The following RERG variants were observed in gnomAD, a reference collection of about 807,000 sequenced individuals.
RERG encodes the protein RAS like estrogen regulated growth inhibitor.
RERG carries 25 observed loss-of-function variants against 23.2 expected under a neutral mutation model. That is an observed-to-expected ratio of 1.08 (90% confidence interval 0.79 to 1.50). The LOEUF (loss-of-function observed/expected upper bound fraction) is 1.50, where lower values mean the gene tolerates loss of function less well. Among genes scored for constraint, RERG ranks in the 40% most tolerant of loss-of-function variants. RERG has a pLI of 0.00. For missense variants in RERG, 253 were observed against 250.1 expected (o/e 1.01, Z -0.08); for synonymous variants, 81 against 89.1 (o/e 0.91, Z 0.51).
chr12:15,138,525 T>C (rs1438382672), intron 2 of RERG, among the ~76,000 whole-genome samples: 1 of 152,080 alleles, frequency 6.6e-6, no homozygotes, highest in Non-Finnish European at 1.5e-5. Flanking sequence ...TTTATAGACA[T>C]TTTAATATCT....
intron 2 of RERG, among the ~76,000 whole-genome samples, chr12:15,159,217 A>G (rs1419007604): frequency 6.6e-6 from 1 of 152,128 alleles, no homozygotes; most frequent in African/African-American, 2.4e-5. Flanking sequence ...TCCATTACTG[A>G]CATTACTTTG....
At chr12:15,151,871 C>G (rs1240279922) in intron 2 of RERG, 1 of 152,190 alleles carries the variant, frequency 6.6e-6, no homozygotes, top group Non-Finnish European at 1.5e-5. Context: ...GCTACCCTTA[C>G]TGTTATGACT....
intron 2 of RERG, among the ~76,000 whole-genome samples, chr12:15,136,516 C>G (rs1002835605): frequency 6.6e-6 from 1 of 151,850 alleles, no homozygotes. Flanking sequence ...TCTTTATTCC[C>G]TTTTAATACA....
At chr12:15,159,183 C>A (rs1565523445) in intron 2 of RERG, among the ~76,000 whole-genome samples, 3 of 152,080 alleles carry the variant, frequency 2.0e-5, no homozygotes, top group Non-Finnish European at 4.4e-5. Flanking sequence ...ACCATGTATT[C>A]TTTTTTTGTT....
intron 3 of RERG, among the ~76,000 whole-genome samples, chr12:15,111,677 T>C (rs1326378680): frequency 2.1e-5 from 3 of 142,442 alleles, no homozygotes; most frequent in African/African-American, 5.3e-5. Flanking sequence ...TTTGCTACCC[T>C]ATACTTTCCT....
chr12:15,159,059 G>A (rs1039054877), intron 2 of RERG, among the ~76,000 whole-genome samples: 1 of 152,148 alleles, frequency 6.6e-6, no homozygotes, highest in Admixed American at 6.5e-5. Context: ...CCGAATGATA[G>A]TTTTCTAACT....
intron 2 of RERG, among the ~76,000 whole-genome samples, chr12:15,189,657 C>T (rs1865041426): frequency 6.6e-6 from 1 of 152,084 alleles, no homozygotes; most frequent in South Asian, 2.1e-4. Flanking sequence ...ATTCCCATAG[C>T]CTTAAACAGT....
At chr12:15,180,501 C>T (rs978854478) in intron 2 of RERG, among the ~76,000 whole-genome samples, 1 of 152,168 alleles carries the variant, frequency 6.6e-6, no homozygotes, top group Non-Finnish European at 1.5e-5. Flanking sequence ...CACAGCCAAG[C>T]TTCCAGCAAG....
At chr12:15,198,761 T>C (rs576208122) in intron 2 of RERG, among the ~76,000 whole-genome samples, 1 of 152,284 alleles carries the variant, frequency 6.6e-6, no homozygotes, top group East Asian at 1.9e-4. Flanking sequence ...TAATTATCCC[T>C]TTCCCCTATC....
intron 2 of RERG, among the ~76,000 whole-genome samples, chr12:15,167,669 G>A (rs373238177): frequency 4.3e-4 from 66 of 152,248 alleles, no homozygotes; most frequent in African/African-American, 1.6e-3. Context: ...CTTTAAAAAA[G>A]ATAGTAGTAG....
At chr12:15,178,549 T>G (rs1216728162) in intron 2 of RERG, among the ~76,000 whole-genome samples, 1 of 152,228 alleles carries the variant, frequency 6.6e-6, no homozygotes, top group African/African-American at 2.4e-5. Context: ...GATTTGAGTT[T>G]CAGGTTTATC....
chr12:15,165,029 G>A (rs1245235974), intron 2 of RERG, among the ~76,000 whole-genome samples: 1 of 152,204 alleles, frequency 6.6e-6, no homozygotes, highest in African/African-American at 2.4e-5. Flanking sequence ...CTCCAGAGCA[G>A]ACTCAGAGCT....
In RERG at chr12:15,202,137, CTG is replaced by C. The variant is rs1591668727; in HGVS notation, c.61+15290_61+15291del. 2.6e-5 allele frequency among the ~76,000 whole-genome samples: 4 copies of C among 151,710 alleles called. No homozygotes were observed. In the East Asian group the frequency reaches 7.7e-4, roughly 29 times the overall value. ...GGAATATAATTAATAGGTGAAAAAA[CTG>C]TATATATTTAATGTTTACAATTTGA... On this transcript the variant is annotated intron_variant, in intron 2 of 4. Transcript: ENST00000256953.
At chr12:15,134,152 TA>T (rs1158773355) in intron 2 of RERG, among the ~76,000 whole-genome samples, 2 of 152,110 alleles carry the variant, frequency 1.3e-5, no homozygotes, top group Admixed American at 1.3e-4. Context: ...TTGTGTTGTA[TA>T]AAAAAGTCAC....
Position 15,136,930 on chromosome 12 carries a change from C to G in RERG, c.62-15811G>C, listed in dbSNP as rs1048549428. On this transcript the variant is annotated intron_variant, in intron 2 of 4. Transcript: ENST00000256953. ...AGTTATATCTAGTTTATTTATGGTG[C>G]TATTGAGTTGAACTATGTCCTTACT... 4.6e-5 allele frequency among the ~76,000 whole-genome samples: 7 copies of G among 151,980 alleles called. No individual in the cohort carries two copies. In the South Asian group the frequency reaches 1.5e-3, roughly 32 times the overall value.
chr12:15,121,076 A>G lies in RERG; in HGVS notation c.105T>C (p.Tyr35=). The change falls in exon 3 of 5, where the codon TAT becomes TAC. Residue 35 remains tyrosine (Y), a synonymous_variant. Transcript: ENST00000256953. ...RFLTKRFIWE[Y]DPTLESTYRH... is the part of the protein sequence containing the mutation. ...AATTTGACCTACCGAGGGTGGGATCATATTCCCAGATGAACCGTTTGGTCA... is the reference window on the plus strand; with the variant it reads ...AATTTGACCTACCGAGGGTGGGATCGTATTCCCAGATGAACCGTTTGGTCA... 2.5e-6 allele frequency: 4 copies of G among 1,613,046 alleles called. No individual in the cohort carries two copies. Among genetic ancestry groups the G allele is most frequent in the East Asian group, 2.2e-5 (1 of 44,878 alleles).
chr12:15,142,930 T>C (rs1377883957), intron 2 of RERG, among the ~76,000 whole-genome samples: 1 of 152,178 alleles, frequency 6.6e-6, no homozygotes, highest in Non-Finnish European at 1.5e-5. Flanking sequence ...TCCAAACCCA[T>C]TTCTTCACAG....
chr12:15,110,470 T>TTTTTTTTTTTTTTTTG (rs1863589410), intron 4 of RERG, among the ~76,000 whole-genome samples: 1 of 71,330 alleles, frequency 1.4e-5, no homozygotes, highest in South Asian at 4.7e-4. Flanking sequence ...TTTCTTTTTT[T>TTTTTTTTTTTTTTTTG]TTTTTTTTTT....
At chr12:15,110,463 C>CTTTCTTT (rs1863586835) in intron 4 of RERG, among the ~76,000 whole-genome samples, 1 of 73,084 alleles carries the variant, frequency 1.4e-5, no homozygotes, top group Admixed American at 1.8e-4. Flanking sequence ...CCATTTTTTT[C>CTTTCTTT]TTTTTTTTTT....
Sources: allele counts gnomAD v4.1 joint callset (sites outside exome capture counted in the v4.1 genomes callset), GRCh38; gene constraint gnomAD v4.1.1; transcripts MANE v1.5; gene names NCBI Gene and HGNC (gene_info 2026-07-23, HGNC 2026-07-21).